Variants in FTCDNL1 observed in about 807,000 individuals in gnomAD.
FTCDNL1 encodes the protein formiminotransferase cyclodeaminase N-terminal like.
A neutral mutation model predicts 5.9 loss-of-function variants in FTCDNL1; 11 were observed. That is an observed-to-expected ratio of 1.87 (90% confidence interval 1.18 to 3.10). FTCDNL1 has a LOEUF of 3.10. Among genes scored for constraint, FTCDNL1 ranks in the 30% most tolerant of loss-of-function variants. FTCDNL1 has a pLI of 0.00. For synonymous variants in FTCDNL1, 58 were observed against 24.8 expected, an observed-to-expected ratio of 2.34 and a Z score of -3.99; for missense variants, 115 against 65.5, an observed-to-expected ratio of 1.76 and a Z score of -2.61.
intron 3 of FTCDNL1, among the ~76,000 whole-genome samples, chr2:199,803,903 T>C (rs775790644): frequency 1.3e-5 from 2 of 152,202 alleles, no homozygotes; most frequent in African/African-American, 2.4e-5. Flanking sequence ...CAGAGGGTTG[T>C]TGTGAAAATC....
intron 3 of FTCDNL1, among the ~76,000 whole-genome samples, chr2:199,800,270 C>A (rs953579191): frequency 2.6e-5 from 4 of 152,134 alleles, no homozygotes; most frequent in African/African-American, 9.7e-5. Flanking sequence ...AGATATATGA[C>A]CTCAAGGAAG....
the FTCDNL1 span, among the ~76,000 whole-genome samples, chr2:199,705,835 G>A: frequency 6.6e-6 from 1 of 152,202 alleles, no homozygotes; most frequent in African/African-American, 2.4e-5. Context: ...AAGGATAAAG[G>A]AGGAGGCAGT....
At position 199,801,808 on chromosome 2, in the gene FTCDNL1, G is replaced by C. The variant is rs1379361586; in HGVS notation, c.212-40973C>G. ...AAAAAATTAGCCAGGCGTAGCGCCG[G>C]GTGCCTGTAGTCCCAGCTATTCAGG... On this transcript the variant is annotated intron_variant, in intron 3 of 3. Transcript: ENST00000416668. Among the ~76,000 whole-genome samples, 4 of 151,388 alleles carry C rather than the reference G, an allele frequency of 2.6e-5. No homozygotes were observed. In the East Asian group the frequency reaches 7.8e-4, roughly 30 times the overall value.
Position 199,812,326 on chromosome 2 carries a change from C to T in FTCDNL1, c.*379G>A, listed in dbSNP as rs1365275069. 2.0e-5 allele frequency among the ~76,000 whole-genome samples: 3 copies of T among 152,122 alleles called. No individual in the cohort carries two copies. The highest frequency in any genetic ancestry group is 4.4e-5 in the Non-Finnish European group (3 of 68,022). On this transcript the variant is annotated 3_prime_UTR_variant, in exon 5 of 5. Coordinates refer to ENST00000420128, the MANE Select transcript of FTCDNL1 (RefSeq NM_001363886.2). ...CCCAAATTCACGCTTTTCCAATTTC[C>T]TCCATTTAATCCTTCCAAGTCAAAA...
intron 3 of FTCDNL1, among the ~76,000 whole-genome samples, chr2:199,803,883 T>C (rs1159945468): frequency 2.0e-5 from 3 of 152,224 alleles, no homozygotes; most frequent in African/African-American, 7.2e-5. Flanking sequence ...ATTACTTTAG[T>C]CACCTGCTCC....
At position 199,812,662 on chromosome 2, in the gene FTCDNL1, C is replaced by G; in HGVS notation, c.*43G>C. ...CTGCTCTGGTGGCAGCACGGATCCC[C>G]TCACTGCAAGGCTGAAATTCCAATT... On this transcript the variant is annotated 3_prime_UTR_variant, in exon 5 of 5. Coordinates refer to ENST00000420128, the MANE Select transcript of FTCDNL1 (RefSeq NM_001363886.2). 1 of 694,956 alleles carries G rather than the reference C, an allele frequency of 1.4e-6. No individual in the cohort carries two copies. The highest frequency in any genetic ancestry group is 2.6e-6 in the Non-Finnish European group (1 of 381,920). The allele number at this position is 694,956 out of a possible 1,614,324, so 43.0% of individuals were successfully genotyped here. A position where few individuals can be genotyped will look rare whatever the true frequency, so the allele number is the denominator to read the frequency against.
chr2:199,807,435 C>A (rs1022482221), downstream of FTCDNL1, among the ~76,000 whole-genome samples: 49 of 151,844 alleles, frequency 3.2e-4, 1 homozygote, highest in African/African-American at 1.1e-3. Context: ...CTCAGGAGTT[C>A]AAGACCAGCC....
chr2:199,728,558 G>A, the FTCDNL1 span, among the ~76,000 whole-genome samples: 1 of 151,992 alleles, frequency 6.6e-6, no homozygotes, highest in Non-Finnish European at 1.5e-5. Context: ...TGGTAACAAT[G>A]TTTCTAAGGG....
At chr2:199,675,100 C>T in the FTCDNL1 span, among the ~76,000 whole-genome samples, 1 of 152,046 alleles carries the variant, frequency 6.6e-6, no homozygotes, top group African/African-American at 2.4e-5. Flanking sequence ...CCCTTTTTGT[C>T]GACATTTCGT....
At chr2:199,745,868 T>C in the FTCDNL1 span, among the ~76,000 whole-genome samples, 1 of 152,194 alleles carries the variant, frequency 6.6e-6, no homozygotes, top group African/African-American at 2.4e-5. Context: ...TACCCGTAAT[T>C]ATTTTATTTT....
intron 3 of FTCDNL1, among the ~76,000 whole-genome samples, chr2:199,836,658 C>A (rs1702764590): frequency 1.3e-5 from 2 of 151,970 alleles, no homozygotes; most frequent in Non-Finnish European, 2.9e-5. Context: ...TCCAGCTATT[C>A]GGGAGGTGGA....
At chr2:199,703,377 C>G in the FTCDNL1 span, among the ~76,000 whole-genome samples, 2 of 152,106 alleles carry the variant, frequency 1.3e-5, no homozygotes, top group Non-Finnish European at 2.9e-5. Context: ...GTAACAAATA[C>G]ATCCAAGATT....
the FTCDNL1 span, among the ~76,000 whole-genome samples, chr2:199,749,183 C>T: frequency 6.6e-6 from 1 of 152,186 alleles, no homozygotes; most frequent in East Asian, 1.9e-4. Flanking sequence ...GGGCACATAC[C>T]TGGCCCTTCT....
chr2:199,821,381 T>C (rs912260744), intron 3 of FTCDNL1, among the ~76,000 whole-genome samples: 2 of 150,690 alleles, frequency 1.3e-5, no homozygotes, highest in African/African-American at 2.4e-5. Flanking sequence ...AGGCTGGTCT[T>C]GAACTCCTGA....
Position 199,812,695 on chromosome 2 carries a change from A to C in FTCDNL1, c.*10T>G, listed in dbSNP as rs980144741. ...AAGGCTGAAATTCCAATTTTCTTCC[A>C]ACACAACTGTCACAACGCCCTGAAG... On this transcript the variant is annotated 3_prime_UTR_variant, in exon 5 of 5. Transcript: ENST00000420128. The C allele has an allele frequency of 1.4e-5, 10 of 699,052 alleles. No individual in the cohort carries two copies. In the African/African-American group the frequency reaches 1.8e-4, roughly 12 times the overall value. 43.3% of individuals were successfully genotyped at this position (699,052 alleles called of 1,614,324 possible). A position where few individuals can be genotyped will look rare whatever the true frequency, so the allele number is the denominator to read the frequency against.
the FTCDNL1 span, among the ~76,000 whole-genome samples, chr2:199,692,223 T>C: frequency 5.3e-5 from 8 of 152,072 alleles, no homozygotes; most frequent in African/African-American, 1.9e-4. Flanking sequence ...AGTCACTCAA[T>C]AGAAACAAAA....
At chr2:199,832,471 A>G (rs1431449896) in intron 3 of FTCDNL1, among the ~76,000 whole-genome samples, 1 of 152,200 alleles carries the variant, frequency 6.6e-6, no homozygotes, top group Non-Finnish European at 1.5e-5. Context: ...TTATTTTCAT[A>G]ATATTTCTCT....
At chr2:199,777,010 A>G (rs1009653908) in intron 3 of FTCDNL1, among the ~76,000 whole-genome samples, 2 of 142,688 alleles carry the variant, frequency 1.4e-5, no homozygotes, top group African/African-American at 5.4e-5. Flanking sequence ...GTGTGTATTG[A>G]GGCCAGGTAC....
At chr2:199,725,508 T>C in the FTCDNL1 span, among the ~76,000 whole-genome samples, 1 of 152,208 alleles carries the variant, frequency 6.6e-6, no homozygotes. Flanking sequence ...CAGTGTGTTT[T>C]TGTAGAGGCT....
Sources: allele counts gnomAD v4.1 joint callset (sites outside exome capture counted in the v4.1 genomes callset), GRCh38; gene constraint gnomAD v4.1.1; transcripts MANE v1.5; gene names NCBI Gene and HGNC (gene_info 2026-07-23, HGNC 2026-07-21).